Variants in UBE2D2 observed in about 807,000 individuals in gnomAD.
UBE2D2 encodes ubiquitin conjugating enzyme E2 D2.
Under a neutral mutation model 24.2 loss-of-function variants are expected in UBE2D2, and 2 were observed. The observed-to-expected ratio is 0.08, with a 90% CI of 0.03 to 0.26. UBE2D2 has a LOEUF of 0.26. UBE2D2 is among the 10% of genes least tolerant of loss of function. The pLI is 1.00. For missense variants in UBE2D2, 44 were observed against 177.6 expected, an observed-to-expected ratio of 0.25 and a Z score of 4.28; for synonymous variants, 58 against 56.5, an observed-to-expected ratio of 1.03 and a Z score of -0.12.
chr5:139,575,096 A>T (rs1199386730), intron 1 of UBE2D2, among the ~76,000 whole-genome samples: 1 of 152,162 alleles, frequency 6.6e-6, no homozygotes, highest in Non-Finnish European at 1.5e-5. Context: ...CAACCCTGCC[A>T]CTTAGCAGTT....
intron 2 of UBE2D2, 50 bp downstream of exon 2, chr5:139,600,485 T>A (rs1208770268): frequency 3.1e-6 from 5 of 1,590,440 alleles, no homozygotes; most frequent in Non-Finnish European, 4.3e-6. Flanking sequence ...GTGGTTATTT[T>A]GTGTGAAGAA....
intron 5 of UBE2D2, among the ~76,000 whole-genome samples, chr5:139,618,826 T>C (rs1453596033): frequency 1.3e-5 from 2 of 152,190 alleles, no homozygotes; most frequent in African/African-American, 4.8e-5. Flanking sequence ...AAGGTTTTAA[T>C]GAGTCCCTTT....
intron 2 of UBE2D2, among the ~76,000 whole-genome samples, chr5:139,609,899 G>T (rs1164241058): frequency 6.6e-6 from 1 of 151,312 alleles, no homozygotes; most frequent in East Asian, 2.0e-4. Flanking sequence ...AGCCTCCCGA[G>T]TAGCTGGGAT....
chr5:139,623,188 AATAAT>A (rs1213175560), intron 5 of UBE2D2, among the ~76,000 whole-genome samples, 175 bp from the exon 6 acceptor site: 1 of 149,466 alleles, frequency 6.7e-6, no homozygotes, highest in Non-Finnish European at 1.5e-5. Flanking sequence ...AAAAAAAAGA[AATAAT>A]AATAATAATA....
chr5:139,617,400 G>T (rs1383414485), intron 5 of UBE2D2, among the ~76,000 whole-genome samples: 2 of 144,234 alleles, frequency 1.4e-5, no homozygotes, highest in Non-Finnish European at 3.0e-5. Context: ...TTTTGAGAGG[G>T]AGTTTCGCTC....
At chr5:139,622,307 C>T (rs1435629528) in intron 5 of UBE2D2, among the ~76,000 whole-genome samples, 4 of 151,642 alleles carry the variant, frequency 2.6e-5, no homozygotes, top group African/African-American at 9.7e-5. Flanking sequence ...TGCAATGCTA[C>T]GATCTCGGCT....
At position 139,532,438 on chromosome 5, in the gene UBE2D2, G is replaced by A. The variant is rs557530360; in HGVS notation, c.-64+5826G>A. Among the ~76,000 whole-genome samples the A allele has an allele frequency of 1.8e-4, 27 of 151,316 alleles. No homozygotes were observed. In the South Asian group the frequency reaches 2.3e-3, roughly 13 times the overall value. ...ACGATCTCGGCTCACTGCAAGCTCCGCCTCCTCGGTTCACGCCATTCTCTT... is the reference window on the plus strand; with the variant it reads ...ACGATCTCGGCTCACTGCAAGCTCCACCTCCTCGGTTCACGCCATTCTCTT... On this transcript the variant is annotated intron_variant, in intron 1 of 6. Coordinates refer to the UBE2D2 transcript ENST00000511725.
intron 2 of UBE2D2, among the ~76,000 whole-genome samples, chr5:139,609,995 A>G (rs1449848000): frequency 3.4e-5 from 5 of 146,006 alleles, no homozygotes; most frequent in Non-Finnish European, 7.6e-5. Flanking sequence ...CTGGTCTTGA[A>G]CTCCTGGCCT....
chr5:139,558,863 C>CCA (rs201851027), upstream of UBE2D2, among the ~76,000 whole-genome samples: 1,174 of 152,010 alleles, frequency 7.7e-3, 8 homozygotes, highest in Middle Eastern at 0.041. Flanking sequence ...TGCAGTGGAA[C>CCA]CACCACGGCT....
chr5:139,556,176 C>A (rs573420707), upstream of UBE2D2, among the ~76,000 whole-genome samples: 56 of 151,050 alleles, frequency 3.7e-4, no homozygotes, highest in Non-Finnish European at 6.5e-4. Context: ...GTAGAGATTG[C>A]GGTGAGCTGA....
intron 1 of UBE2D2, chr5:139,562,396 G>GAAAA: frequency 8.5e-7 from 1 of 1,182,050 alleles, no homozygotes; most frequent in Non-Finnish European, 1.1e-6. Context: ...AAGTTCAGAA[G>GAAAA]AAAAAAAAAA....
At chr5:139,549,404 C>T (rs375431905) in intron 1 of UBE2D2, among the ~76,000 whole-genome samples, 16 of 152,298 alleles carry the variant, frequency 1.1e-4, no homozygotes, top group East Asian at 3.9e-4. Context: ...GCGCGAGTTC[C>T]GGGTGCGCGG....
At chr5:139,540,402 T>C (rs1279223410) in intron 1 of UBE2D2, among the ~76,000 whole-genome samples, 4 of 151,958 alleles carry the variant, frequency 2.6e-5, no homozygotes, top group Non-Finnish European at 5.9e-5. Flanking sequence ...AAAAGTTAGC[T>C]GGGTGTTGTG....
At chr5:139,545,210 C>T (rs568918450) in intron 1 of UBE2D2, among the ~76,000 whole-genome samples, 2 of 152,074 alleles carry the variant, frequency 1.3e-5, no homozygotes, top group South Asian at 4.2e-4. Flanking sequence ...TTAACTTTTC[C>T]CAATTGATGG....
At chr5:139,531,497 C>T (rs756208632) in intron 1 of UBE2D2, among the ~76,000 whole-genome samples, 7 of 152,008 alleles carry the variant, frequency 4.6e-5, no homozygotes, top group Non-Finnish European at 1.0e-4. Flanking sequence ...TGCCGATGCT[C>T]CCAGCTGAAT....
chr5:139,571,521 G>A lies in UBE2D2; in HGVS notation c.24+9706G>A, dbSNP rs370296277. Among the ~76,000 whole-genome samples, 4 of 152,066 alleles carry A rather than the reference G, an allele frequency of 2.6e-5. No individual in the cohort carries two copies. In the South Asian group the frequency reaches 8.3e-4, roughly 32 times the overall value. On this transcript the variant is annotated intron_variant, in intron 1 of 6. Transcript: ENST00000398733. The stretch of plus-strand genomic sequence containing the variant: ...CTTTCAATAATTCTGTTCTCCCCAG[G>A]TTAGATAAGGAAACAGTGGGAGAAA...
intron 1 of UBE2D2, among the ~76,000 whole-genome samples, chr5:139,550,820 G>A (rs533758153): frequency 3.9e-5 from 6 of 152,202 alleles, no homozygotes; most frequent in South Asian, 2.1e-4. Context: ...CCAGAAGGAA[G>A]AAACTCCAAA....
At chr5:139,598,719 C>T (rs1213601504) in intron 1 of UBE2D2, among the ~76,000 whole-genome samples, 1 of 150,900 alleles carries the variant, frequency 6.6e-6, no homozygotes, top group Non-Finnish European at 1.5e-5. Context: ...TGCCACCACT[C>T]CCAGCTAATT....
chr5:139,568,687 T>C (rs1375642269), intron 1 of UBE2D2, among the ~76,000 whole-genome samples: 1 of 151,534 alleles, frequency 6.6e-6, no homozygotes, highest in African/African-American at 2.4e-5. Flanking sequence ...TAAAAAATAC[T>C]GTAGGCCGGG....
Sources: gnomAD v4.1 joint callset for allele counts (sites outside exome capture counted in the v4.1 genomes callset) on GRCh38, gnomAD v4.1.1 for gene constraint, MANE v1.5 for transcripts, NCBI Gene and HGNC (gene_info 2026-07-23, HGNC 2026-07-21) for gene names.